Variants in ANGPT1 observed in about 807,000 individuals in gnomAD.
The protein encoded by ANGPT1 is angiopoietin 1.
In ANGPT1, 17 loss-of-function variants were observed where a neutral mutation model predicts 62.2. The ratio of observed to expected loss-of-function variants is 0.27; its 90% CI spans 0.19 to 0.41. The LOEUF (loss-of-function observed/expected upper bound fraction) is 0.41, where lower values mean the gene tolerates loss of function less well. Ranked by LOEUF, ANGPT1 falls within the 10% of genes least tolerant of loss-of-function variation. The pLI is 1.00. For synonymous variants in ANGPT1, 199 were observed against 198.9 expected, an observed-to-expected ratio of 1.00 and a Z score of 0.00; for missense variants, 478 against 594.9, an observed-to-expected ratio of 0.80 and a Z score of 2.04.
intron 1 of ANGPT1, among the ~76,000 whole-genome samples, chr8:107,398,896 T>C (rs1455756939): frequency 6.6e-6 from 1 of 152,126 alleles, no homozygotes; most frequent in Non-Finnish European, 1.5e-5. Flanking sequence ...AGGAAAATCA[T>C]GAGAAAGATT....
At chr8:107,445,964 C>T (rs1292249873) in intron 1 of ANGPT1, among the ~76,000 whole-genome samples, 2 of 152,152 alleles carry the variant, frequency 1.3e-5, no homozygotes, top group Non-Finnish European at 2.9e-5. Flanking sequence ...GTCACCCAGG[C>T]TGGAGTGCAG....
intron 1 of ANGPT1, among the ~76,000 whole-genome samples, chr8:107,348,276 C>A (rs889962854): frequency 5.9e-5 from 9 of 152,164 alleles, no homozygotes; most frequent in Non-Finnish European, 1.2e-4. Context: ...CATAATACAT[C>A]CACTATTTCA....
intron 7 of ANGPT1, among the ~76,000 whole-genome samples, chr8:107,269,652 T>TAAAAAC (rs1813693642): frequency 6.6e-6 from 1 of 151,776 alleles, no homozygotes; most frequent in Non-Finnish European, 1.5e-5. Context: ...TGTTAGAAGA[T>TAAAAAC]AAAAACAAAA....
chr8:107,365,856 A>AACACACACACACACACACAC (rs10627552), intron 1 of ANGPT1, among the ~76,000 whole-genome samples: 2 of 147,188 alleles, frequency 1.4e-5, no homozygotes, highest in African/African-American at 5.0e-5. Context: ...AAACAAATAC[A>AACACACACACACACACACAC]ACACACACAC....
intron 8 of ANGPT1, among the ~76,000 whole-genome samples, chr8:107,256,545 G>T (rs190143780): frequency 1.2e-3 from 177 of 152,272 alleles, no homozygotes; most frequent in Non-Finnish European, 1.7e-3. Context: ...AAATCTGCAT[G>T]GGATGAAGAT....
chr8:107,369,754 G>A (rs1443803847), intron 1 of ANGPT1, among the ~76,000 whole-genome samples: 4 of 136,720 alleles, frequency 2.9e-5, no homozygotes, highest in Non-Finnish European at 6.4e-5. Context: ...GAGTGGAGAA[G>A]TCAGAACACA....
At chr8:107,362,942 C>A (rs945383200) in intron 1 of ANGPT1, among the ~76,000 whole-genome samples, 5 of 152,158 alleles carry the variant, frequency 3.3e-5, no homozygotes, top group Non-Finnish European at 1.5e-5. Flanking sequence ...AATAGAGAAT[C>A]TTTGCAATCT....
rs1813252338 is a variant in ANGPT1 at position 107,251,754 on chromosome 8, G to A, written c.*101C>T. 2 of 1,397,478 alleles carry A rather than the reference G, an allele frequency of 1.4e-6. No individual in the cohort carries two copies. Among genetic ancestry groups the A allele is most frequent in the Admixed American group, 2.0e-5 (1 of 50,210 alleles). The allele number at this position is 1,397,478 out of a possible 1,614,324, so 86.6% of individuals were successfully genotyped here. A position where few individuals can be genotyped will look rare whatever the true frequency, so the allele number is the denominator to read the frequency against. On this transcript the variant is annotated 3_prime_UTR_variant, in exon 9 of 9. Coordinates refer to ENST00000517746, the MANE Select transcript of ANGPT1 (RefSeq NM_001146.5). ...ATAACTACCACTTATTGCTGGAAGG[G>A]AGACAATATTGTTTGCTTCTGAAGT...
Position 107,303,376 on chromosome 8 carries a change from A to C in ANGPT1, c.809-9T>G, listed in dbSNP as rs1241135625. On this transcript the variant is annotated splice_polypyrimidine_tract_variant and intron_variant, in intron 4 of 8. Coordinates refer to ENST00000517746, the MANE Select transcript of ANGPT1 (RefSeq NM_001146.5). Reference sequence around the variant, plus strand: ...TCCTCCCTTTAGTAAAACTGCAAAAAAAAAAAAAAAGATTGCAATATGTGA... The same window carrying C: ...TCCTCCCTTTAGTAAAACTGCAAAACAAAAAAAAAAGATTGCAATATGTGA... 6.3e-7 allele frequency: 1 copy of C among 1,583,808 alleles called. No homozygotes were observed. Among genetic ancestry groups the C allele is most frequent in the Non-Finnish European group, 8.6e-7 (1 of 1,168,522 alleles).
At chr8:107,333,999 A>AGGG in intron 3 of ANGPT1, among the ~76,000 whole-genome samples, 1 of 135,870 alleles carries the variant, frequency 7.4e-6, no homozygotes, top group African/African-American at 2.7e-5. Flanking sequence ...GGAGGGAGGG[A>AGGG]AGGAAGGAAG....
chr8:107,279,037 C>T (rs1023692102), intron 7 of ANGPT1, among the ~76,000 whole-genome samples: 1 of 152,208 alleles, frequency 6.6e-6, no homozygotes, highest in Non-Finnish European at 1.5e-5. Flanking sequence ...TCAGCCTCCA[C>T]ATCCTGATTC....
chr8:107,300,101 C>A (rs1563557543), intron 5 of ANGPT1, among the ~76,000 whole-genome samples: 3 of 142,356 alleles, frequency 2.1e-5, no homozygotes, highest in Non-Finnish European at 4.6e-5. Context: ...ATATATATCT[C>A]TATATATCTA....
At chr8:107,394,152 T>C (rs890202993) in intron 1 of ANGPT1, among the ~76,000 whole-genome samples, 2 of 152,192 alleles carry the variant, frequency 1.3e-5, no homozygotes, top group Admixed American at 6.5e-5. Flanking sequence ...GCTGGAGAGC[T>C]GATCCTCAGG....
At chr8:107,255,884 G>A (rs1813346951) in intron 8 of ANGPT1, among the ~76,000 whole-genome samples, 1 of 152,150 alleles carries the variant, frequency 6.6e-6, no homozygotes. Context: ...GAGCATCACA[G>A]TAATTTAATA....
At chr8:107,378,025 G>GA (rs1250763420) in intron 1 of ANGPT1, among the ~76,000 whole-genome samples, 4 of 152,124 alleles carry the variant, frequency 2.6e-5, no homozygotes, top group African/African-American at 9.7e-5. Context: ...GCGAATAGTT[G>GA]AAAAATCACC....
At chr8:107,416,543 C>T (rs866109556) in intron 1 of ANGPT1, among the ~76,000 whole-genome samples, 10 of 152,096 alleles carry the variant, frequency 6.6e-5, no homozygotes, top group African/African-American at 1.9e-4. Flanking sequence ...AGAAGTTCTC[C>T]GTACCCTGTC....
intron 7 of ANGPT1, among the ~76,000 whole-genome samples, chr8:107,275,980 T>A (rs932250577): frequency 2.6e-5 from 4 of 151,986 alleles, no homozygotes; most frequent in African/African-American, 9.7e-5. Flanking sequence ...TATCCAAGAC[T>A]CTAGAGACTG....
At chr8:107,322,202 C>A (rs1341028364) in intron 3 of ANGPT1, 74 bp from the exon 4 acceptor site, 2 of 1,071,386 alleles carry the variant, frequency 1.9e-6, no homozygotes, top group Non-Finnish European at 2.7e-6. Context: ...TCAATTGGTT[C>A]CTGAATTTAT....
chr8:107,364,606 G>A (rs1202785564), intron 1 of ANGPT1, among the ~76,000 whole-genome samples: 1 of 152,092 alleles, frequency 6.6e-6, no homozygotes, highest in African/African-American at 2.4e-5. Flanking sequence ...GCTGTTGATT[G>A]TCTTCTCATT....
Sources: allele counts gnomAD v4.1 joint callset (sites outside exome capture counted in the v4.1 genomes callset), GRCh38; gene constraint gnomAD v4.1.1; transcripts MANE v1.5; gene names NCBI Gene and HGNC (gene_info 2026-07-23, HGNC 2026-07-21).